The following ELMOD2 variants were observed in gnomAD, a reference collection of about 807,000 sequenced individuals.
The protein encoded by ELMOD2 is ELMO domain containing 2.
ELMOD2 carries 28 observed loss-of-function variants against 41.0 expected under a neutral mutation model. The ratio of observed to expected loss-of-function variants is 0.68; its 90% CI spans 0.51 to 0.94. ELMOD2 has a LOEUF of 0.94. Among genes scored for constraint, ELMOD2 ranks in the 40% least tolerant of loss-of-function variants. The pLI, the probability that ELMOD2 is intolerant of heterozygous loss-of-function variation, is 0.00. For missense variants in ELMOD2, 333 were observed against 343.1 expected, an observed-to-expected ratio of 0.97 and a Z score of 0.23; for synonymous variants, 106 against 107.2, an observed-to-expected ratio of 0.99 and a Z score of 0.07.
At chr4:140,549,412 C>T (rs373357146) in intron 8 of ELMOD2, among the ~76,000 whole-genome samples, 1 of 151,034 alleles carries the variant, frequency 6.6e-6, no homozygotes. Context: ...ATACATTTAA[C>T]ATTTTGGGGG....
intron 1 of ELMOD2, chr4:140,524,523 C>T (rs1024790554): frequency 1.1e-6 from 1 of 890,554 alleles, no homozygotes; most frequent in Non-Finnish European, 1.3e-6. Flanking sequence ...GGCAGTTCTG[C>T]GCTTTTGTCC....
At chr4:140,532,704 A>G (rs1233237850) in intron 3 of ELMOD2, among the ~76,000 whole-genome samples, 1 of 152,216 alleles carries the variant, frequency 6.6e-6, no homozygotes, top group African/African-American at 2.4e-5. Context: ...CACCACATTT[A>G]ACTGGGAACA....
chr4:140,528,495 T>G (rs1734640001), intron 3 of ELMOD2, among the ~76,000 whole-genome samples: 1 of 152,162 alleles, frequency 6.6e-6, no homozygotes, highest in Non-Finnish European at 1.5e-5. Context: ...GTTAAATATA[T>G]TTTAGGAATT....
chr4:140,532,937 T>G (rs1410877728), intron 3 of ELMOD2, among the ~76,000 whole-genome samples: 1 of 152,220 alleles, frequency 6.6e-6, no homozygotes, highest in Non-Finnish European at 1.5e-5. Context: ...CATGGTATAC[T>G]ACTGTATGTT....
intron 3 of ELMOD2, 86 bp downstream of exon 3, chr4:140,527,580 G>C: frequency 8.5e-7 from 1 of 1,173,234 alleles, no homozygotes; most frequent in Middle Eastern, 2.0e-4. Context: ...TGCTAGAAGA[G>C]TGTTTTCTAT....
chr4:140,534,962 A>G (rs1016078114), intron 3 of ELMOD2, among the ~76,000 whole-genome samples: 2 of 152,166 alleles, frequency 1.3e-5, no homozygotes, highest in Non-Finnish European at 2.9e-5. Context: ...TGGCGAAGGT[A>G]GTCCTTTTAC....
chr4:140,541,292 A>T (rs1182328919), intron 6 of ELMOD2, among the ~76,000 whole-genome samples: 2 of 152,128 alleles, frequency 1.3e-5, no homozygotes, highest in African/African-American at 2.4e-5. Context: ...CTGTGAAAAA[A>T]TCCTGATATT....
intron 3 of ELMOD2, among the ~76,000 whole-genome samples, chr4:140,532,244 A>T (rs1448054663): frequency 6.8e-6 from 1 of 146,686 alleles, no homozygotes; most frequent in Non-Finnish European, 1.5e-5. Context: ...GGCTCACTGC[A>T]CCCTCCACCT....
At chr4:140,539,359 G>GT (rs796777213) in intron 5 of ELMOD2, among the ~76,000 whole-genome samples, 301 of 141,686 alleles carry the variant, frequency 2.1e-3, no homozygotes, top group Middle Eastern at 3.8e-3. Context: ...TAGTTGGTTT[G>GT]TTTTTTTTTT....
At chr4:140,548,043 T>G (rs1219158849) in intron 8 of ELMOD2, among the ~76,000 whole-genome samples, 1 of 152,176 alleles carries the variant, frequency 6.6e-6, no homozygotes, top group South Asian at 2.1e-4. Flanking sequence ...AGTTAGTCTT[T>G]CTCTGACACT....
chr4:140,543,321 C>A, intron 7 of ELMOD2, 132 bp from the exon 8 acceptor site: 1 of 951,756 alleles, frequency 1.1e-6, no homozygotes, highest in Non-Finnish European at 1.5e-6. Flanking sequence ...ATTTTTCTTA[C>A]CATGTAGAGA....
intron 5 of ELMOD2, among the ~76,000 whole-genome samples, chr4:140,539,830 T>G (rs1225318549): frequency 7.9e-5 from 12 of 152,226 alleles, no homozygotes; most frequent in Non-Finnish European, 1.8e-4. Context: ...TAGAGCCTAT[T>G]TAACTATACA....
chr4:140,531,480 A>G (rs1734746010), intron 3 of ELMOD2, among the ~76,000 whole-genome samples: 1 of 152,260 alleles, frequency 6.6e-6, no homozygotes, highest in South Asian at 2.1e-4. Flanking sequence ...GTACTTACGC[A>G]TATACAGGCA....
rs1016782612 is a variant in ELMOD2, at chr4:140,524,205, C to G, written c.-85C>G. 8 of 152,338 alleles carry G rather than the reference C, an allele frequency of 5.3e-5. No individual in the cohort carries two copies. The highest frequency in any genetic ancestry group is 3.3e-4 in the Admixed American group (5 of 15,286). 9.4% of individuals were successfully genotyped at this position (152,338 alleles called of 1,614,324 possible). A position where few individuals can be genotyped will look rare whatever the true frequency, so the allele number is the denominator to read the frequency against. On this transcript the variant is annotated 5_prime_UTR_variant, in exon 1 of 9. Transcript: ENST00000323570. ...GCGGTGCTTGAAGGGAGTGTTCCGT[C>G]GTTTCCGTTGCCGGCTGTTTGCAGT...
Position 140,525,544 on chromosome 4 carries a change from T to C in ELMOD2, c.116T>C (p.Val39Ala). ...CELQRIFDTY[V>A]GAQRTHRIEN... ...TTGCAGCGAATATTTGATACCTATG[T>C]AGGTGCACAAAGGACACACAGGATA... Residue 39 changes from valine (V) to alanine (A), a missense_variant, in exon 2 of 9, where the codon GTA (valine) becomes GCA (alanine). Val to Ala is a moderately conservative substitution (Grantham distance 64). Coordinates refer to ENST00000323570, the MANE Select transcript of ELMOD2 (RefSeq NM_153702.4). The C allele has an allele frequency of 6.2e-7, 1 of 1,613,342 alleles. No homozygotes were observed. Among genetic ancestry groups the C allele is most frequent in the Non-Finnish European group, 8.5e-7 (1 of 1,179,774 alleles).
intron 2 of ELMOD2, among the ~76,000 whole-genome samples, chr4:140,527,202 G>T (rs755818400): frequency 3.3e-5 from 5 of 152,146 alleles, no homozygotes; most frequent in Non-Finnish European, 7.4e-5. Flanking sequence ...AGACACTTTG[G>T]GGTCTAAACA....
In ELMOD2 at chr4:140,540,317, CT is replaced by C. The variant is rs749283640; in HGVS notation, c.533+19del. ...TCAATCTTGTGTAAGTGAAAGTAAACTTTCTTTTCTTCCCTAAATGAAATTA... is the reference window on the plus strand; with the variant it reads ...TCAATCTTGTGTAAGTGAAAGTAAACTTCTTTTCTTCCCTAAATGAAATTA... On this transcript the variant is annotated intron_variant, in intron 6 of 8. Transcript: ENST00000323570. The C allele has an allele frequency of 3.7e-5, 59 of 1,609,826 alleles. No homozygotes were observed. Among genetic ancestry groups the C allele is most frequent in the Non-Finnish European group, 5.0e-5 (59 of 1,178,288 alleles).
At chr4:140,535,646 C>G in intron 3 of ELMOD2, 87 bp from the exon 4 acceptor site, 1 of 1,251,390 alleles carries the variant, frequency 8.0e-7, no homozygotes, top group Non-Finnish European at 1.1e-6. Flanking sequence ...TTAATATCTA[C>G]TTTGTAAGGT....
At chr4:140,531,670 A>T (rs554752432) in intron 3 of ELMOD2, among the ~76,000 whole-genome samples, 1 of 152,218 alleles carries the variant, frequency 6.6e-6, no homozygotes, top group African/African-American at 2.4e-5. Flanking sequence ...AGTGATGCAC[A>T]TTTGCATTTT....
Sources: gnomAD v4.1 joint callset for allele counts (sites outside exome capture counted in the v4.1 genomes callset) on GRCh38, gnomAD v4.1.1 for gene constraint, MANE v1.5 for transcripts, NCBI Gene and HGNC (gene_info 2026-07-23, HGNC 2026-07-21) for gene names.